The following PIP5K1B variants were observed in gnomAD, a reference collection of about 807,000 sequenced individuals.
The protein encoded by PIP5K1B is phosphatidylinositol-4-phosphate 5-kinase type 1 beta, also known as phosphatidylinositol 4-phosphate 5-kinase type-1 beta.
Under a neutral mutation model 67.0 loss-of-function variants are expected in PIP5K1B, and 42 were observed. That is an observed-to-expected ratio of 0.63 (90% CI 0.49 to 0.81). PIP5K1B has a LOEUF of 0.81. Ranked by LOEUF, PIP5K1B falls within the 30% of genes least tolerant of loss-of-function variation. The pLI, the probability that PIP5K1B is intolerant of heterozygous loss-of-function variation, is 0.00. For missense variants in PIP5K1B, 459 were observed against 646.3 expected (o/e 0.71, Z 3.14); for synonymous variants, 214 against 231.4 (o/e 0.92, Z 0.68).
At chr9:68,987,225 C>T (rs1830131248) in intron 14 of PIP5K1B, among the ~76,000 whole-genome samples, 1 of 152,038 alleles carries the variant, frequency 6.6e-6, no homozygotes, top group Admixed American at 6.6e-5. Flanking sequence ...GCACTCCAGC[C>T]TGGGTGACAA....
intron 2 of PIP5K1B, among the ~76,000 whole-genome samples, chr9:68,787,022 A>G (rs978581444): frequency 1.3e-5 from 2 of 152,138 alleles, no homozygotes; most frequent in Admixed American, 6.5e-5. Context: ...CTCCAATACC[A>G]TGACACGCAA....
At chr9:68,995,189 G>A (rs1189981427) in intron 15 of PIP5K1B, among the ~76,000 whole-genome samples, 1 of 149,700 alleles carries the variant, frequency 6.7e-6, no homozygotes, top group African/African-American at 2.5e-5. Flanking sequence ...AGGAAGGAAG[G>A]AAGGGAAGAA....
intron 8 of PIP5K1B, among the ~76,000 whole-genome samples, chr9:68,898,224 C>G (rs1825186611): frequency 6.6e-6 from 1 of 152,178 alleles, no homozygotes; most frequent in Non-Finnish European, 1.5e-5. Flanking sequence ...GAGCCCAATT[C>G]CCCCACAGGA....
Position 68,733,765 on chromosome 9 carries a change from A to G in PIP5K1B, c.-242-8736A>G, listed in dbSNP as rs144066194. Among the ~76,000 whole-genome samples, 1,465 of 149,206 alleles carry G rather than the reference A, an allele frequency of 9.8e-3. 26 individuals are homozygous for G. The highest frequency in any genetic ancestry group is 0.034 in the African/African-American group (1,393 of 40,432). ...GGCAATTCTCCTGCGTCAGCCACCC[A>G]AGTAGCTGGGACTACAGGTGCAGGC... On this transcript the variant is annotated intron_variant, in intron 1 of 15. Transcript: ENST00000265382.
At chr9:68,960,564 G>GT (rs1400913109) in intron 14 of PIP5K1B, among the ~76,000 whole-genome samples, 2 of 151,810 alleles carry the variant, frequency 1.3e-5, no homozygotes, top group South Asian at 2.1e-4. Context: ...CGTTTCTGTT[G>GT]TTTTTTCTCT....
intron 14 of PIP5K1B, chr9:68,963,279 G>A (rs1828844201): frequency 4.4e-6 from 2 of 452,984 alleles, no homozygotes; most frequent in African/African-American, 4.0e-5. Context: ...GAGGCAGACT[G>A]ATCTCTTGAG....
rs547727550 is a variant in PIP5K1B at position 68,736,281 on chromosome 9, C to T, written c.-242-6220C>T. 1.2e-4 allele frequency among the ~76,000 whole-genome samples: 19 copies of T among 152,328 alleles called. No homozygotes were observed. In the South Asian group the frequency reaches 3.5e-3, roughly 28 times the overall value. On this transcript the variant is annotated intron_variant, in intron 1 of 15. Coordinates refer to ENST00000265382, the MANE Select transcript of PIP5K1B (RefSeq NM_003558.4). Reference sequence around the variant, plus strand: ...GAAAGACCAGTTAAAAAGTCTTTTACTCTACTAGTATATTTTATCTTAATC... The same window carrying T: ...GAAAGACCAGTTAAAAAGTCTTTTATTCTACTAGTATATTTTATCTTAATC...
intron 4 of PIP5K1B, among the ~76,000 whole-genome samples, chr9:68,828,222 G>A (rs1024602257): frequency 3.3e-5 from 5 of 152,126 alleles, no homozygotes; most frequent in East Asian, 1.9e-4. Context: ...TGTTTCTCCT[G>A]CCTTTCTGGG....
intron 2 of PIP5K1B, among the ~76,000 whole-genome samples, chr9:68,756,822 C>T (rs577131919): frequency 1.3e-5 from 2 of 152,106 alleles, no homozygotes; most frequent in African/African-American, 2.4e-5. Context: ...TCATAGTATG[C>T]ACATTTAAAA....
intron 14 of PIP5K1B, among the ~76,000 whole-genome samples, chr9:68,966,349 C>T (rs1829032163): frequency 6.6e-6 from 1 of 152,154 alleles, no homozygotes; most frequent in Non-Finnish European, 1.5e-5. Flanking sequence ...GGTACCTTTG[C>T]AGTAGAGAAG....
chr9:68,993,226 C>T (rs543961415), intron 15 of PIP5K1B, among the ~76,000 whole-genome samples: 2 of 152,286 alleles, frequency 1.3e-5, no homozygotes, highest in East Asian at 3.9e-4. Context: ...GACCTGCCCC[C>T]TCCCTGGGTC....
chr9:68,980,953 A>C (rs1436682964), intron 14 of PIP5K1B, among the ~76,000 whole-genome samples: 3 of 152,238 alleles, frequency 2.0e-5, no homozygotes, highest in African/African-American at 7.2e-5. Context: ...CAGAGAGGGA[A>C]ATATAACCCT....
intron 15 of PIP5K1B, among the ~76,000 whole-genome samples, chr9:68,992,897 G>A (rs952267635): frequency 2.3e-5 from 3 of 130,526 alleles, no homozygotes; most frequent in Non-Finnish European, 3.1e-5. Flanking sequence ...AGTGGCTCAC[G>A]CCTGTAATCC....
chr9:68,820,936 T>C (rs559544952), intron 3 of PIP5K1B, among the ~76,000 whole-genome samples: 4 of 152,342 alleles, frequency 2.6e-5, no homozygotes, highest in African/African-American at 9.6e-5. Context: ...TAGTTTTGAG[T>C]GTGTAAAAAT....
rs552372368 is a variant in PIP5K1B, at chr9:68,914,730, C to CAAAT, written c.772-2802_772-2799dup. On this transcript the variant is annotated intron_variant, in intron 8 of 15. Transcript: ENST00000265382. The stretch of plus-strand genomic sequence containing the variant: ...ACTCCATCTCAATAAAAAAAATAAA[C>CAAAT]AAATAAATAAATAAATAAAAAGAAA... Among the ~76,000 whole-genome samples, 3 of 151,784 alleles carry CAAAT rather than the reference C, an allele frequency of 2.0e-5. No individual in the cohort carries two copies. In the East Asian group the frequency reaches 5.8e-4, roughly 29 times the overall value.
intron 14 of PIP5K1B, among the ~76,000 whole-genome samples, chr9:68,974,580 G>A (rs1403422692): frequency 1.3e-5 from 2 of 152,158 alleles, no homozygotes; most frequent in East Asian, 1.9e-4. Flanking sequence ...GACAGGTGTC[G>A]ACCTGTATAG....
At position 68,917,709 on chromosome 9, in the gene PIP5K1B, CCA is replaced by C. The variant is rs1249462884; in HGVS notation, c.934_935del (p.Gln312GlyfsTer23). 1 of 1,614,156 alleles carries C rather than the reference CCA, an allele frequency of 6.2e-7. No homozygotes were observed. The highest frequency in any genetic ancestry group is 1.7e-5 in the Admixed American group (1 of 60,030). ...TCTACTCAACAGCCATGGAATCTAT[CCA>C]GGGTCCAGGGAAATCTGGAGATGGG... Reference protein sequence around the residue: ...VLYSTAMESIQGPGKSGDGII... With the variant: ...VLYSTAMESIXGPGKSGDGII... On this transcript the variant is annotated frameshift_variant, in exon 9 of 16. Transcript: ENST00000265382. LOFTEE classifies it high-confidence loss of function.
rs890821911 is a variant in PIP5K1B at position 68,752,996 on chromosome 9, A to T, written c.-86+10339A>T. 2.0e-4 allele frequency among the ~76,000 whole-genome samples: 31 copies of T among 152,200 alleles called. 1 individual carries two copies. ...AATTGTACCTTAATTTTCTTCTAGT[A>T]CTTTTGTGGTTCCATTTTTTACATT... On this transcript the variant is annotated intron_variant, in intron 2 of 15. Coordinates refer to ENST00000265382, the MANE Select transcript of PIP5K1B (RefSeq NM_003558.4).
Position 68,919,669 on chromosome 9 carries a change from A to G in PIP5K1B, c.1068-12A>G, listed in dbSNP as rs1410823884. 6.6e-7 allele frequency: 1 copy of G among 1,518,382 alleles called. No homozygotes were observed. Among genetic ancestry groups the G allele is most frequent in the East Asian group, 2.3e-5 (1 of 44,318 alleles). The allele number at this position is 1,518,382 out of a possible 1,614,324, so 94.1% of individuals were successfully genotyped here. ...TTTACATTCTCATTTCAATTTTTCC[A>G]TTTATATTTAGGTTAATGAAGAAGT... On this transcript the variant is annotated splice_polypyrimidine_tract_variant and intron_variant, in intron 10 of 15. Coordinates refer to ENST00000265382, the MANE Select transcript of PIP5K1B (RefSeq NM_003558.4).
Sources: allele counts gnomAD v4.1 joint callset (sites outside exome capture counted in the v4.1 genomes callset), GRCh38; gene constraint gnomAD v4.1.1; transcripts MANE v1.5; gene names NCBI Gene and HGNC (gene_info 2026-07-23, HGNC 2026-07-21).